Variants in MID1 observed in about 807,000 individuals in gnomAD.
MID1 encodes midline 1.
Under a neutral mutation model 40.4 loss-of-function variants are expected in MID1, and 7 were observed. The ratio of observed to expected loss-of-function variants is 0.17; its 90% CI spans 0.10 to 0.33. MID1 has a LOEUF of 0.33. Among genes scored for constraint, MID1 ranks in the 10% least tolerant of loss-of-function variants. MID1 has a pLI of 1.00. For synonymous variants in MID1, 229 were observed against 221.2 expected (o/e 1.04, Z -0.31); for missense variants, 367 against 558.5 (o/e 0.66, Z 3.46).
chrX:10,619,434 T>C, intron 1 of MID1, among the ~76,000 whole-genome samples: 1 of 112,944 alleles, frequency 8.9e-6, no homozygotes, highest in African/African-American at 3.2e-5. Flanking sequence ...TCCAGCCTTG[T>C]TTTCTCCTTA....
In MID1 at chrX:10,566,532, CCT is replaced by C. The variant is rs773613255; in HGVS notation, c.660+354_660+355del. Among the ~76,000 whole-genome samples, 330 of 52,574 alleles carry C rather than the reference CCT, an allele frequency of 6.3e-3. 3 individuals are homozygous for C. The highest frequency in any genetic ancestry group is 0.014 in the African/African-American group (234 of 16,659). The allele number at this position is 52,574 out of a possible 115,157, so 45.7% of individuals were successfully genotyped here. A position where few individuals can be genotyped will look rare whatever the true frequency, so the allele number is the denominator to read the frequency against. On this transcript the variant is annotated intron_variant, in intron 2 of 9. Transcript: ENST00000317552. The stretch of plus-strand genomic sequence containing the variant: ...CTCTCCCTCTCTCTCCCTCTCTCTC[CCT>C]CTCTCTCTCTCTCTCTCTCTCTCTC...
intron 3 of MID1, among the ~76,000 whole-genome samples, chrX:10,515,231 C>T (rs1358752588): frequency 1.8e-5 from 2 of 112,368 alleles, no homozygotes; most frequent in African/African-American, 6.5e-5. Context: ...TCAAAGTTTA[C>T]AAATGAATGC....
intron 1 of MID1, among the ~76,000 whole-genome samples, chrX:10,817,544 CTTT>C (rs2044145330): frequency 1.0e-5 from 1 of 98,313 alleles, no homozygotes; most frequent in Non-Finnish European, 2.0e-5. Flanking sequence ...TTCTTTCTTT[CTTT>C]CTTTCTTTCT....
chrX:10,650,576 C>A (rs1936306596), intron 1 of MID1, among the ~76,000 whole-genome samples: 1 of 111,830 alleles, frequency 8.9e-6, no homozygotes, highest in African/African-American at 3.3e-5. Context: ...GCAGGCCCAA[C>A]AAACTTTGTT....
At chrX:10,614,508 T>G (rs890198478) in intron 1 of MID1, among the ~76,000 whole-genome samples, 7 of 112,079 alleles carry the variant, frequency 6.2e-5, no homozygotes, top group African/African-American at 2.3e-4. Flanking sequence ...TTTCCCCAAT[T>G]AAAGATTCAT....
chrX:10,509,940 C>T (rs7063354), intron 3 of MID1, among the ~76,000 whole-genome samples: 6,808 of 112,065 alleles, frequency 0.061, 430 homozygotes, highest in African/African-American at 0.18. Context: ...GGAATAGACA[C>T]AGACTTACAG....
At chrX:10,746,226 A>T (rs2043555971) in intron 1 of MID1, among the ~76,000 whole-genome samples, 1 of 111,808 alleles carries the variant, frequency 8.9e-6, no homozygotes, top group Non-Finnish European at 1.9e-5. Flanking sequence ...AAAACACAAG[A>T]TGTATTGACG....
At chrX:10,821,859 T>A (rs776910727) in intron 1 of MID1, among the ~76,000 whole-genome samples, 3 of 111,276 alleles carry the variant, frequency 2.7e-5, no homozygotes, top group Non-Finnish European at 5.7e-5. Flanking sequence ...ATTTGTGGCT[T>A]GCCTCTTCTT....
chrX:10,530,999 T>A (rs1202667285), intron 2 of MID1, among the ~76,000 whole-genome samples: 2 of 111,958 alleles, frequency 1.8e-5, no homozygotes, highest in East Asian at 5.6e-4. Context: ...TACTTCAGAA[T>A]GTCTTTAAAG....
intron 1 of MID1, among the ~76,000 whole-genome samples, chrX:10,820,936 G>T (rs191193132): frequency 1.8e-5 from 2 of 112,272 alleles, no homozygotes; most frequent in East Asian, 5.6e-4. Flanking sequence ...TCCTTGGGTT[G>T]CTGAATTGTA....
At chrX:10,622,106 C>T (rs1935941549), upstream of MID1, among the ~76,000 whole-genome samples, 1 of 109,111 alleles carries the variant, frequency 9.2e-6, no homozygotes, top group Non-Finnish European at 1.9e-5. Flanking sequence ...TCTCCAGGCC[C>T]CTGCACCAAA....
intron 1 of MID1, among the ~76,000 whole-genome samples, chrX:10,580,836 G>C (rs896130471): frequency 9.3e-6 from 1 of 107,909 alleles, no homozygotes; most frequent in African/African-American, 3.4e-5. Context: ...CTTTCCCTCT[G>C]GCATGCTTTC....
intron 1 of MID1, among the ~76,000 whole-genome samples, chrX:10,670,410 A>G (rs1442571040): frequency 8.9e-6 from 1 of 111,845 alleles, no homozygotes; most frequent in Non-Finnish European, 1.9e-5. Context: ...AAAGATACAG[A>G]ATATTAAAGA....
intron 1 of MID1, among the ~76,000 whole-genome samples, chrX:10,593,275 G>A (rs1935345271): frequency 8.9e-6 from 1 of 112,121 alleles, no homozygotes; most frequent in Non-Finnish European, 1.9e-5. Flanking sequence ...GATCAATTTT[G>A]TTAGCACAAA....
chrX:10,765,936 AGGAAAG>A lies in MID1; in HGVS notation c.-187+67612_-187+67617del, dbSNP rs576355799. Reference sequence around the variant, plus strand: ...GAAAGAAAGAAAGAAAGGAAAGGAAAGGAAAGGAAAGAAAGAAAGAAAGAAAGAAAG... The same window carrying A: ...GAAAGAAAGAAAGAAAGGAAAGGAAAGAAAGAAAGAAAGAAAGAAAGAAAG... On this transcript the variant is annotated intron_variant, in intron 1 of 10. Coordinates refer to the MID1 transcript ENST00000380785. Among the ~76,000 whole-genome samples the A allele has an allele frequency of 6.8e-3, 595 of 88,034 alleles. 5 individuals carry two copies. The highest frequency in any genetic ancestry group is 0.029 in the African/African-American group (556 of 19,484). 76.4% of individuals were successfully genotyped at this position (88,034 alleles called of 115,157 possible).
intron 1 of MID1, among the ~76,000 whole-genome samples, chrX:10,784,183 A>G (rs959317839): frequency 9.0e-6 from 1 of 111,319 alleles, no homozygotes; most frequent in African/African-American, 3.3e-5. Flanking sequence ...TCAGTGTAAT[A>G]AACCTCATTA....
chrX:10,826,545 A>G (rs759040829), intron 1 of MID1, among the ~76,000 whole-genome samples: 2 of 110,090 alleles, frequency 1.8e-5, no homozygotes, highest in African/African-American at 6.6e-5. Flanking sequence ...CTTGCTGAAA[A>G]CTCCCTCATA....
chrX:10,732,810 C>A (rs1400787361), intron 1 of MID1, among the ~76,000 whole-genome samples: 1 of 110,878 alleles, frequency 9.0e-6, no homozygotes, highest in African/African-American at 3.3e-5. Flanking sequence ...AAAATAGAGT[C>A]CAGAAATACA....
chrX:10,825,405 G>GT (rs904221367), intron 1 of MID1, among the ~76,000 whole-genome samples: 1 of 111,968 alleles, frequency 8.9e-6, no homozygotes, highest in African/African-American at 3.3e-5. Context: ...ATTCGCTGAG[G>GT]TCACTCAAGG....
Sources: allele counts gnomAD v4.1 joint callset (sites outside exome capture counted in the v4.1 genomes callset), GRCh38; gene constraint gnomAD v4.1.1; transcripts MANE v1.5; gene names NCBI Gene and HGNC (gene_info 2026-07-23, HGNC 2026-07-21).